Variants in MED12L observed in about 807,000 individuals in gnomAD.
The protein encoded by MED12L is mediator of RNA polymerase II transcription subunit 12-like protein.
In MED12L, 60 loss-of-function variants were observed where a neutral mutation model predicts 281.3. The observed-to-expected ratio is 0.21, with a 90% confidence interval of 0.17 to 0.26. The LOEUF (loss-of-function observed/expected upper bound fraction) is 0.26. Among genes scored for constraint, MED12L ranks in the 10% least tolerant of loss-of-function variants. The probability of loss-of-function intolerance (pLI) is 1.00; values close to 1 mark genes in which losing one functional copy is unlikely to be tolerated. For missense variants in MED12L, 2,146 were observed against 2,680.9 expected, an observed-to-expected ratio of 0.80 and a Z score of 4.41; for synonymous variants, 974 against 987.2, an observed-to-expected ratio of 0.99 and a Z score of 0.25.
In MED12L at chr3:151,159,986, C is replaced by A. The variant is rs1487583760; in HGVS notation, c.992C>A (p.Ala331Asp). The A allele has an allele frequency of 4.1e-5, 66 of 1,614,038 alleles. No homozygotes were observed. The highest frequency in any genetic ancestry group is 5.6e-5 in the Non-Finnish European group (66 of 1,180,002). Reference protein sequence around the residue: ...MIGPNNSSIGAPSPGPPGPGM... With the variant: ...MIGPNNSSIGDPSPGPPGPGM... Reference sequence around the variant, plus strand: ...GGACCAAACAACTCGAGTATCGGGGCCCCCAGCCCTGGCCCCCCCGGCCCT... The same window carrying A: ...GGACCAAACAACTCGAGTATCGGGGACCCCAGCCCTGGCCCCCCCGGCCCT... The change falls in exon 8 of 45, where the codon GCC (alanine) becomes GAC (aspartate). Residue 331 changes from alanine (A) to aspartate (D), a missense_variant. By Grantham distance (126) the Ala-to-Asp change is moderately radical. Coordinates refer to ENST00000687756, the MANE Select transcript of MED12L (RefSeq NM_001393769.1).
intron 16 of MED12L, among the ~76,000 whole-genome samples, chr3:151,325,481 A>G (rs1749486764): frequency 6.6e-6 from 1 of 151,834 alleles, no homozygotes. Context: ...GTTTTTTTTA[A>G]TATTTTAGAA....
chr3:151,370,028 T>G (rs1755986090), intron 26 of MED12L, among the ~76,000 whole-genome samples: 1 of 152,230 alleles, frequency 6.6e-6, no homozygotes, highest in Non-Finnish European at 1.5e-5. Flanking sequence ...CTTTGTTTTT[T>G]GATGACCCAG....
chr3:151,338,816 C>T lies in MED12L; in HGVS notation c.2251-11243C>T, dbSNP rs369115073. On this transcript the variant is annotated intron_variant, in intron 16 of 44. Coordinates refer to ENST00000687756, the MANE Select transcript of MED12L (RefSeq NM_001393769.1). ...TGGTGCACAGACTGGTGTTACCAGG[C>T]GCAGAGGTGAGGTTGTCGACGGCTT... 7.3e-5 allele frequency: 117 copies of T among 1,613,584 alleles called. No homozygotes were observed. Among genetic ancestry groups the T allele is most frequent in the East Asian group, 1.1e-4 (5 of 44,876 alleles).
At chr3:151,118,605 CGTT>C (rs763473859) in intron 3 of MED12L, among the ~76,000 whole-genome samples, 6 of 150,776 alleles carry the variant, frequency 4.0e-5, no homozygotes, top group Non-Finnish European at 8.8e-5. Flanking sequence ...ACATTTGCAT[CGTT>C]GTTGCAAACA....
intron 39 of MED12L, among the ~76,000 whole-genome samples, chr3:151,398,966 G>A (rs1715312531): frequency 6.6e-6 from 1 of 152,094 alleles, no homozygotes; most frequent in African/African-American, 2.4e-5. Context: ...TTACTGTGCT[G>A]TACTCACCTG....
At chr3:151,338,504 G>A (rs988463695) in intron 16 of MED12L, 1 of 1,613,714 alleles carries the variant, frequency 6.2e-7, no homozygotes, top group Non-Finnish European at 8.5e-7. Flanking sequence ...TCAGTCCCAG[G>A]AATGAAATAC....
intron 16 of MED12L, among the ~76,000 whole-genome samples, chr3:151,218,040 C>T (rs1250830807): frequency 6.6e-6 from 1 of 152,210 alleles, no homozygotes; most frequent in African/African-American, 2.4e-5. Context: ...GATATCTACT[C>T]AGTCTCCTCT....
chr3:151,198,267 T>G (rs1724950298), intron 16 of MED12L: 1 of 552,844 alleles, frequency 1.8e-6, no homozygotes, highest in Admixed American at 3.5e-5. Context: ...TGACTTGCAT[T>G]TAGAAACAGG....
intron 43 of MED12L, among the ~76,000 whole-genome samples, chr3:151,421,228 A>T (rs1419595118): frequency 6.6e-6 from 1 of 152,038 alleles, no homozygotes; most frequent in African/African-American, 2.4e-5. Context: ...GATCCTATCC[A>T]CTTGATTATT....
At chr3:151,428,589 AG>A (rs1046640610) in intron 43 of MED12L, among the ~76,000 whole-genome samples, 12 of 152,214 alleles carry the variant, frequency 7.9e-5, no homozygotes, top group Admixed American at 7.2e-4. Context: ...ATACATCAGT[AG>A]GTATGCCAAG....
At chr3:151,306,045 G>T (rs1233967348) in intron 16 of MED12L, among the ~76,000 whole-genome samples, 2 of 152,152 alleles carry the variant, frequency 1.3e-5, no homozygotes, top group Non-Finnish European at 2.9e-5. Context: ...TCTTTCAGGA[G>T]CATTACCTGC....
chr3:151,285,272 CAGG>C (rs1185007250), intron 16 of MED12L, among the ~76,000 whole-genome samples: 1 of 151,848 alleles, frequency 6.6e-6, no homozygotes, highest in African/African-American at 2.4e-5. Flanking sequence ...ATCACAAGGT[CAGG>C]AGATCAAGAC....
At chr3:151,331,612 C>T (rs575220004) in intron 16 of MED12L, among the ~76,000 whole-genome samples, 15 of 151,858 alleles carry the variant, frequency 9.9e-5, no homozygotes, top group African/African-American at 2.9e-4. Flanking sequence ...TGATGTCTCA[C>T]GAAAGGAGAG....
chr3:151,391,574 C>A (rs893967229), intron 38 of MED12L, among the ~76,000 whole-genome samples: 1 of 151,870 alleles, frequency 6.6e-6, no homozygotes, highest in Non-Finnish European at 1.5e-5. Context: ...AAACAATAGG[C>A]GATCAACTAC....
At chr3:151,183,929 A>G (rs1722983791) in intron 11 of MED12L, among the ~76,000 whole-genome samples, 1 of 152,198 alleles carries the variant, frequency 6.6e-6, no homozygotes, top group South Asian at 2.1e-4. Context: ...TTAATATTCT[A>G]AACCTATAAG....
At chr3:151,110,964 A>G (rs1560056580) in intron 2 of MED12L, among the ~76,000 whole-genome samples, 1 of 152,038 alleles carries the variant, frequency 6.6e-6, no homozygotes, top group South Asian at 2.1e-4. Flanking sequence ...AGAAACCTCA[A>G]CTCTTCATGT....
Position 151,334,194 on chromosome 3 carries a change from TTC to T in MED12L, c.2251-15863_2251-15862del, listed in dbSNP as rs1311018665. Among the ~76,000 whole-genome samples, 217 of 143,930 alleles carry T rather than the reference TTC, an allele frequency of 1.5e-3. 9 individuals carry two copies. Among genetic ancestry groups the T allele is most frequent in the African/African-American group, 4.9e-3 (193 of 39,170 alleles). 94.4% of individuals were successfully genotyped at this position (143,930 alleles called of 152,430 possible). On this transcript the variant is annotated intron_variant, in intron 16 of 44. Coordinates refer to ENST00000687756, the MANE Select transcript of MED12L (RefSeq NM_001393769.1). ...TGTTATGTGTTTTTTCTTTCTTTCTTTCTTTTTTTTTTTGCCATTTCTATTTC... is the reference window on the plus strand; with the variant it reads ...TGTTATGTGTTTTTTCTTTCTTTCTTTTTTTTTTTTTGCCATTTCTATTTC...
intron 11 of MED12L, among the ~76,000 whole-genome samples, chr3:151,171,086 C>G (rs1331352098): frequency 1.3e-5 from 2 of 152,164 alleles, no homozygotes; most frequent in African/African-American, 2.4e-5. Context: ...CTTTTCAATT[C>G]CTGGTACATG....
At chr3:151,216,203 A>G (rs1043675327) in intron 16 of MED12L, among the ~76,000 whole-genome samples, 1 of 152,220 alleles carries the variant, frequency 6.6e-6, no homozygotes, top group African/African-American at 2.4e-5. Context: ...ATATTTGTGA[A>G]ATAAATGAAT....
Sources: allele counts gnomAD v4.1 joint callset (sites outside exome capture counted in the v4.1 genomes callset), GRCh38; gene constraint gnomAD v4.1.1; transcripts MANE v1.5; gene names NCBI Gene and HGNC (gene_info 2026-07-23, HGNC 2026-07-21).